MET: variants seen among roughly 807,000 people sequenced by gnomAD.
The protein encoded by MET is MET proto-oncogene, receptor tyrosine kinase.
A neutral mutation model predicts 133.1 loss-of-function variants in MET; 48 were observed. That is an observed-to-expected ratio of 0.36 (90% confidence interval 0.29 to 0.46). The LOEUF (loss-of-function observed/expected upper bound fraction) is 0.46. Among genes scored for constraint, MET ranks in the 20% least tolerant of loss-of-function variants. The probability of loss-of-function intolerance (pLI) is 1.00; values close to 1 mark genes in which losing one functional copy is unlikely to be tolerated. For synonymous variants in MET, 628 were observed against 616.5 expected (o/e 1.02, Z -0.28); for missense variants, 1,442 against 1,695.9 (o/e 0.85, Z 2.63).
At chr7:116,769,966 C>T (rs1794780931) in intron 12 of MET, 175 bp downstream of exon 12, 2 of 904,092 alleles carry the variant, frequency 2.2e-6, no homozygotes, top group Admixed American at 2.1e-5. Context: ...ACATTGTCTC[C>T]TTCCCCAAGC....
chr7:116,724,651 A>G (rs890992365), intron 2 of MET: 2 of 450,934 alleles, frequency 4.4e-6, no homozygotes, highest in African/African-American at 4.0e-5. Flanking sequence ...CAGCAGACTG[A>G]TAACAGTTTT....
At chr7:116,702,765 A>T (rs531337468) in intron 2 of MET, among the ~76,000 whole-genome samples, 2 of 152,302 alleles carry the variant, frequency 1.3e-5, no homozygotes, top group Admixed American at 6.5e-5. Flanking sequence ...GTAACTTTCT[A>T]CTTATGCTTC....
intron 5 of MET, among the ~76,000 whole-genome samples, chr7:116,741,929 C>T (rs1190660146): frequency 6.6e-6 from 1 of 152,186 alleles, no homozygotes. Context: ...ACTGTGTTGC[C>T]TTATTTGCTT....
intron 15 of MET, among the ~76,000 whole-genome samples, chr7:116,775,569 G>T (rs1794968478): frequency 6.6e-6 from 1 of 152,106 alleles, no homozygotes; most frequent in South Asian, 2.1e-4. Flanking sequence ...AGCCAGGCGT[G>T]GTGGCGGGTG....
In MET at chr7:116,715,688, G is replaced by A. The variant is rs544431495; in HGVS notation, c.1200+15404G>A. Among the ~76,000 whole-genome samples, 255 of 152,300 alleles carry A rather than the reference G, an allele frequency of 1.7e-3. 2 individuals carry two copies. The highest frequency in any genetic ancestry group is 5.8e-3 in the African/African-American group (243 of 41,564). On this transcript the variant is annotated intron_variant, in intron 2 of 20. Transcript: ENST00000397752. ...TTAAGCCTCAAAACAAATCTGTTAT[G>A]TAGATATGTGTTTTCCCACTTTACA...
At chr7:116,773,156 C>T (rs2117011894) in intron 14 of MET, among the ~76,000 whole-genome samples, 1 of 152,288 alleles carries the variant, frequency 6.6e-6, no homozygotes, top group Admixed American at 6.5e-5. Flanking sequence ...GTTTCACACT[C>T]TTTTCTCCAT....
chr7:116,689,032 T>C (rs557899935), intron 1 of MET, among the ~76,000 whole-genome samples: 6 of 152,350 alleles, frequency 3.9e-5, no homozygotes, highest in African/African-American at 1.4e-4. Context: ...CCACCTGTAT[T>C]TGAATTTTTT....
At chr7:116,694,371 AC>A (rs1419669081) in intron 1 of MET, among the ~76,000 whole-genome samples, 2 of 152,168 alleles carry the variant, frequency 1.3e-5, no homozygotes, top group African/African-American at 4.8e-5. Context: ...AAAAAAGTTA[AC>A]CTTTTTTTGA....
intron 11 of MET, among the ~76,000 whole-genome samples, chr7:116,768,006 GTA>G (rs1322770743): frequency 4.9e-5 from 7 of 143,942 alleles, no homozygotes; most frequent in Admixed American, 2.1e-4. Flanking sequence ...GTGTGTGTGT[GTA>G]TACATATGTG....
intron 2 of MET, among the ~76,000 whole-genome samples, chr7:116,725,784 A>G (rs1036326563): frequency 1.6e-4 from 24 of 150,798 alleles, no homozygotes; most frequent in African/African-American, 5.6e-4. Flanking sequence ...ATATCTTTAA[A>G]TATACTAGTA....
chr7:116,731,011 A>T (rs926368109), intron 2 of MET, among the ~76,000 whole-genome samples: 2 of 152,228 alleles, frequency 1.3e-5, no homozygotes, highest in African/African-American at 4.8e-5. Flanking sequence ...AGCTTGTTTA[A>T]TAGTTACACA....
chr7:116,750,456 C>G (rs1793873385), intron 5 of MET, among the ~76,000 whole-genome samples: 1 of 152,138 alleles, frequency 6.6e-6, no homozygotes, highest in South Asian at 2.1e-4. Flanking sequence ...GACTTAAACG[C>G]AAGACCTAAA....
Position 116,795,697 on chromosome 7 carries a change from G to A in MET, c.3841G>A (p.Ala1281Thr). The A allele has an allele frequency of 6.2e-7, 1 of 1,614,050 alleles. No homozygotes were observed. Among genetic ancestry groups the A allele is most frequent in the Non-Finnish European group, 8.5e-7 (1 of 1,180,008 alleles). The part of the protein sequence containing the change: ...VLLWELMTRG[A>T]PPYPDVNTFD... ...CCTCTGGGAGCTGATGACAAGAGGA[G>A]CCCCACCTTATCCTGACGTAAACAC... The change falls in exon 20 of 21, where the codon GCC becomes ACC. Residue 1281 changes from alanine (A) to threonine (T), a missense_variant. Coordinates refer to ENST00000397752, the MANE Select transcript of MET (RefSeq NM_000245.4).
chr7:116,775,635 A>T (rs1171866537), intron 15 of MET, among the ~76,000 whole-genome samples: 3 of 152,226 alleles, frequency 2.0e-5, no homozygotes, highest in African/African-American at 7.2e-5. Flanking sequence ...TGAACCCAGG[A>T]GGTGGAAGTT....
intron 1 of MET, among the ~76,000 whole-genome samples, chr7:116,691,106 G>A (rs891333383): frequency 6.6e-6 from 1 of 151,906 alleles, no homozygotes; most frequent in African/African-American, 2.4e-5. Context: ...CTTAATATGG[G>A]GCCTCAGCCA....
At chr7:116,741,054 G>GT in intron 5 of MET, 29 bp downstream of exon 5, 3 of 1,361,800 alleles carry the variant, frequency 2.2e-6, no homozygotes, top group Non-Finnish European at 3.1e-6. Context: ...TGGCATACAT[G>GT]TTTTTGTTTG....
chr7:116,698,544 TTA>T (rs1346002112), intron 1 of MET, among the ~76,000 whole-genome samples: 1 of 152,210 alleles, frequency 6.6e-6, no homozygotes, highest in African/African-American at 2.4e-5. Context: ...CTTCTAGAAT[TTA>T]TGATTGTTTT....
chr7:116,689,161 G>T (rs1285808715), intron 1 of MET, among the ~76,000 whole-genome samples: 1 of 152,140 alleles, frequency 6.6e-6, no homozygotes, highest in East Asian at 1.9e-4. Flanking sequence ...AGGGGAAAAA[G>T]TTTCTTTACT....
rs1002793749 is a variant in MET, at chr7:116,796,425, C to T, written c.*301C>T. On this transcript the variant is annotated 3_prime_UTR_variant, in exon 21 of 21. Coordinates refer to ENST00000397752, the MANE Select transcript of MET (RefSeq NM_000245.4). Reference sequence around the variant, plus strand: ...TTAAAAATCAGGTACCACTTGATTTCATATGGGAAATTGAAGCAGGAAATA... The same window carrying T: ...TTAAAAATCAGGTACCACTTGATTTTATATGGGAAATTGAAGCAGGAAATA... 7 of 470,872 alleles carry T rather than the reference C, an allele frequency of 1.5e-5. No individual in the cohort carries two copies. Among genetic ancestry groups the T allele is most frequent in the Non-Finnish European group, 2.7e-5 (7 of 257,478 alleles). 29.2% of individuals were successfully genotyped at this position (470,872 alleles called of 1,614,324 possible).
Sources: gnomAD v4.1 joint callset for allele counts (sites outside exome capture counted in the v4.1 genomes callset) on GRCh38, gnomAD v4.1.1 for gene constraint, MANE v1.5 for transcripts, NCBI Gene and HGNC (gene_info 2026-07-23, HGNC 2026-07-21) for gene names.